The following ENOX1 variants were observed in gnomAD, a reference collection of about 807,000 sequenced individuals.
ENOX1 encodes the protein ecto-NOX disulfide-thiol exchanger 1.
ENOX1 carries 42 observed loss-of-function variants against 82.5 expected under a neutral mutation model. That is an observed-to-expected ratio of 0.51 (90% confidence interval 0.40 to 0.66). ENOX1 has a LOEUF of 0.66. Ranked by LOEUF, ENOX1 falls within the 30% of genes least tolerant of loss-of-function variation. The pLI is 0.00. For missense variants in ENOX1, 608 were observed against 811.6 expected, an observed-to-expected ratio of 0.75 and a Z score of 3.05; for synonymous variants, 271 against 282.2, an observed-to-expected ratio of 0.96 and a Z score of 0.40.
Position 43,311,694 on chromosome 13 carries a change from C to A in ENOX1, c.1261+10690G>T, listed in dbSNP as rs1265128197. On this transcript the variant is annotated intron_variant, in intron 11 of 16. Coordinates refer to ENST00000690772, the MANE Select transcript of ENOX1 (RefSeq NM_001347969.2). ...AGAAGCAACCCTTTCAGATCCAAGT[C>A]AGTGTCTCAGTCTTTCAAGACTTTG... is the stretch of plus-strand genomic sequence containing the variant. Among the ~76,000 whole-genome samples, 15 of 152,326 alleles carry A rather than the reference C, an allele frequency of 9.8e-5. No homozygotes were observed. The East Asian group carries it at 2.9e-3, about 29-fold the overall frequency.
intron 1 of ENOX1, among the ~76,000 whole-genome samples, chr13:43,691,804 G>A (rs560531695): frequency 1.3e-5 from 2 of 151,428 alleles, no homozygotes; most frequent in Admixed American, 1.3e-4. Context: ...AGGTTCAAGC[G>A]ATTCTCCTGC....
At chr13:43,615,700 G>A (rs769062827) in intron 2 of ENOX1, among the ~76,000 whole-genome samples, 13 of 151,990 alleles carry the variant, frequency 8.6e-5, no homozygotes, top group Non-Finnish European at 1.0e-4. Context: ...CCATCAATCC[G>A]TCATATGCAT....
chr13:43,623,710 T>C (rs1012713300), intron 2 of ENOX1, among the ~76,000 whole-genome samples: 10 of 152,188 alleles, frequency 6.6e-5, no homozygotes, highest in Non-Finnish European at 1.5e-4. Context: ...CACACTGCTC[T>C]GTCCAGAGAT....
intron 5 of ENOX1, among the ~76,000 whole-genome samples, chr13:43,409,341 T>A (rs531126753): frequency 6.6e-6 from 1 of 152,238 alleles, no homozygotes; most frequent in Non-Finnish European, 1.5e-5. Context: ...CCAATGGAAA[T>A]AATTCTAACA....
intron 2 of ENOX1, among the ~76,000 whole-genome samples, chr13:43,646,577 C>T (rs1566699917): frequency 6.6e-6 from 1 of 152,168 alleles, no homozygotes; most frequent in East Asian, 1.9e-4. Context: ...TTATTAGAAT[C>T]GTCATCTGTA....
intron 5 of ENOX1, among the ~76,000 whole-genome samples, chr13:43,368,468 T>C (rs2050996447): frequency 6.6e-6 from 1 of 152,232 alleles, no homozygotes; most frequent in African/African-American, 2.4e-5. Flanking sequence ...CAGCAATCTG[T>C]GCATGGAGCG....
At chr13:43,774,577 T>C (rs1399167995) in intron 1 of ENOX1, among the ~76,000 whole-genome samples, 1 of 152,180 alleles carries the variant, frequency 6.6e-6, no homozygotes, top group Non-Finnish European at 1.5e-5. Flanking sequence ...TTATGCCCAT[T>C]TAAAATAAGC....
In ENOX1 at chr13:43,335,888, G is replaced by A. The variant is rs2048679213; in HGVS notation, c.1036+8650C>T. On this transcript the variant is annotated intron_variant, in intron 9 of 16. Coordinates refer to ENST00000690772, the MANE Select transcript of ENOX1 (RefSeq NM_001347969.2). ...ACATTCTGTGCTCATCCTTGATGCT[G>A]AAGTTTTTATACATATTATTTTCTC... Among the ~76,000 whole-genome samples, 4 of 151,978 alleles carry A rather than the reference G, an allele frequency of 2.6e-5. No homozygotes were observed. In the South Asian group the frequency reaches 8.3e-4, roughly 32 times the overall value.
At chr13:43,491,160 A>T (rs1304031723) in intron 2 of ENOX1, among the ~76,000 whole-genome samples, 1 of 152,164 alleles carries the variant, frequency 6.6e-6, no homozygotes. Flanking sequence ...TGATGACAGC[A>T]GGGGCAAGAG....
intron 2 of ENOX1, among the ~76,000 whole-genome samples, chr13:43,577,015 T>C (rs187628282): frequency 1.3e-5 from 2 of 152,314 alleles, no homozygotes; most frequent in Admixed American, 6.5e-5. Flanking sequence ...ACACATTGTG[T>C]AAGGCACTGA....
chr13:43,308,795 C>T (rs777980395), intron 11 of ENOX1, among the ~76,000 whole-genome samples: 15 of 151,738 alleles, frequency 9.9e-5, no homozygotes, highest in Non-Finnish European at 2.1e-4. Context: ...ACACCTTCTG[C>T]TCTACACCAG....
chr13:43,491,879 G>A, intron 2 of ENOX1, among the ~76,000 whole-genome samples: 1 of 152,130 alleles, frequency 6.6e-6, no homozygotes, highest in East Asian at 1.9e-4. Flanking sequence ...CCAAAGATCA[G>A]ACCTAAGTTA....
chr13:43,700,569 T>C (rs1391317327), intron 1 of ENOX1, among the ~76,000 whole-genome samples: 1 of 152,136 alleles, frequency 6.6e-6, no homozygotes, highest in African/African-American at 2.4e-5. Context: ...GATGGTAACA[T>C]CTCAACATAA....
intron 8 of ENOX1, among the ~76,000 whole-genome samples, chr13:43,346,650 A>T (rs1400348750): frequency 1.3e-5 from 2 of 152,212 alleles, no homozygotes; most frequent in Non-Finnish European, 2.9e-5. Flanking sequence ...GGACCGAAGC[A>T]GCTTGTGTAA....
chr13:43,518,482 C>A (rs1226017361), intron 2 of ENOX1, among the ~76,000 whole-genome samples: 3 of 151,940 alleles, frequency 2.0e-5, no homozygotes, highest in Non-Finnish European at 4.4e-5. Flanking sequence ...GAGGCAGATG[C>A]GTTGATGTTC....
At chr13:43,290,923 A>G (rs948969029) in intron 12 of ENOX1, among the ~76,000 whole-genome samples, 1 of 152,192 alleles carries the variant, frequency 6.6e-6, no homozygotes, top group East Asian at 1.9e-4. Context: ...GCTACTCAGG[A>G]GGCTGAGACA....
chr13:43,745,839 TC>T (rs762900294), intron 1 of ENOX1, among the ~76,000 whole-genome samples: 5 of 152,056 alleles, frequency 3.3e-5, no homozygotes, highest in Non-Finnish European at 5.9e-5. Context: ...AAGGGGCTTT[TC>T]CCCCTTTTGG....
chr13:43,691,376 C>T (rs115787142), intron 1 of ENOX1, among the ~76,000 whole-genome samples: 1,995 of 151,990 alleles, frequency 0.013, 41 homozygotes, highest in African/African-American at 0.045. Flanking sequence ...GGAATCCATC[C>T]TACTCGTCTT....
intron 4 of ENOX1, 150 bp from the exon 5 acceptor site, chr13:43,412,203 C>G: frequency 1.1e-6 from 1 of 914,098 alleles, no homozygotes; most frequent in Non-Finnish European, 1.6e-6. Context: ...GCAATGTTTT[C>G]TCTAGACATA....
Sources: gnomAD v4.1 joint callset for allele counts (sites outside exome capture counted in the v4.1 genomes callset) on GRCh38, gnomAD v4.1.1 for gene constraint, MANE v1.5 for transcripts, NCBI Gene and HGNC (gene_info 2026-07-23, HGNC 2026-07-21) for gene names.